CROCC2: variants seen among roughly 807,000 people sequenced by gnomAD.
CROCC2 encodes ciliary rootlet coiled-coil protein 2.
A neutral mutation model predicts 177.6 loss-of-function variants in CROCC2; 163 were observed. The ratio of observed to expected loss-of-function variants is 0.92; its 90% CI spans 0.81 to 1.05. The LOEUF is 1.05. Among genes scored for constraint, CROCC2 ranks in the 50% least tolerant of loss-of-function variants. The pLI, the probability that CROCC2 is intolerant of heterozygous loss-of-function variation, is 0.00. For missense variants in CROCC2, 1,929 were observed against 1,797.8 expected (o/e 1.07, Z -1.32); for synonymous variants, 904 against 787.3 (o/e 1.15, Z -2.48).
At chr2:240,976,165 G>A (rs1005020907) in intron 27 of CROCC2, among the ~76,000 whole-genome samples, 1 of 151,848 alleles carries the variant, frequency 6.6e-6, no homozygotes, top group African/African-American at 2.4e-5. Flanking sequence ...TGGGGTAGGA[G>A]CCTCAGAAGC....
intron 26 of CROCC2, chr2:240,967,684 C>A: frequency 9.0e-6 from 6 of 666,514 alleles, no homozygotes; most frequent in Non-Finnish European, 1.1e-5. Context: ...GGAGTGACGT[C>A]CACAGGCCCA....
rs1325563394 is a variant in CROCC2 at position 240,930,169 on chromosome 2, C to T, written c.649C>T (p.Arg217Trp). ...ELRRWAQRQT[R>W]SGGLGQPRDL... ...ACAGGAGGCCTCTTGCTTTCAGACC[C>T]GGTCAGGGGGCCTGGGGCAGCCCCG... Residue 217 changes from arginine to tryptophan, a missense_variant, in exon 6 of 32, where the codon CGG (arginine) becomes TGG (tryptophan). Arg to Trp is a moderately radical substitution (Grantham distance 101). Around this residue, in one of 3 missense-constraint regions of CROCC2, gnomAD observed 1,397 missense variants for 1,239.9 expected, o/e 1.13. Coordinates refer to ENST00000690015, the MANE Select transcript of CROCC2 (RefSeq NM_001351305.2). The T allele has an allele frequency of 3.3e-5, 18 of 546,904 alleles. No individual in the cohort carries two copies. The highest frequency in any genetic ancestry group is 6.1e-5 in the East Asian group (2 of 32,646). 33.9% of individuals were successfully genotyped at this position (546,904 alleles called of 1,614,324 possible).
At position 240,958,612 on chromosome 2, in the gene CROCC2, T is replaced by C; in HGVS notation, c.2944-689T>C. 5 of 984,908 alleles carry C rather than the reference T, an allele frequency of 5.1e-6. No individual in the cohort carries two copies. Among genetic ancestry groups the C allele is most frequent in the Non-Finnish European group, 6.0e-6 (5 of 829,502 alleles). The allele number at this position is 984,908 out of a possible 1,614,324, so 61.0% of individuals were successfully genotyped here. On this transcript the variant is annotated intron_variant, in intron 19 of 31. Transcript: ENST00000690015. This position sits in a 1 kb window ranked among gnomAD's most constrained non-coding sequence, Gnocchi z 6.7. ...AGCCGCCTGCTGCTGCCTGGAGGCT[T>C]GGTCCAGTCCCCTGAACCCAGGGGT...
intron 14 of CROCC2, among the ~76,000 whole-genome samples, chr2:240,937,018 T>G (rs1179174659): frequency 6.6e-6 from 1 of 152,228 alleles, no homozygotes; most frequent in Non-Finnish European, 1.5e-5. Context: ...ACCAAAACTG[T>G]GCACTCACTG....
rs551191778 is a variant in CROCC2 at position 240,935,263 on chromosome 2, G to A, written c.1939-95G>A. On this transcript the variant is annotated intron_variant, in intron 13 of 31. Transcript: ENST00000690015. ...GCCCCTGGGCCAGGCCTGAGGGAGGGAAGACAGTGCCCCGGGGCAGGCCTT... is the reference window on the plus strand; with the variant it reads ...GCCCCTGGGCCAGGCCTGAGGGAGGAAAGACAGTGCCCCGGGGCAGGCCTT... 9 of 1,254,156 alleles carry A rather than the reference G, an allele frequency of 7.2e-6. 1 individual carries two copies. Among genetic ancestry groups the A allele is most frequent in the Non-Finnish European group, 9.3e-6 (9 of 972,596 alleles). The allele number at this position is 1,254,156 out of a possible 1,614,324, so 77.7% of individuals were successfully genotyped here. A position where few individuals can be genotyped will look rare whatever the true frequency, so the allele number is the denominator to read the frequency against.
chr2:240,935,621 C>A, intron 14 of CROCC2, 33 bp downstream of exon 14: 1 of 1,370,660 alleles, frequency 7.3e-7, no homozygotes, highest in South Asian at 1.7e-5. Context: ...CTGCCGCCGT[C>A]TGGGATGCGG....
chr2:240,981,133 C>T (rs2059795835), intron 27 of CROCC2, among the ~76,000 whole-genome samples: 1 of 145,024 alleles, frequency 6.9e-6, no homozygotes, highest in Non-Finnish European at 1.5e-5. Context: ...ATCCCAGGCT[C>T]ATCCCTGCTC....
At chr2:240,906,687 A>G in intron 1 of CROCC2, 96 bp downstream of exon 1, 3 of 398,580 alleles carry the variant, frequency 7.5e-6, no homozygotes, top group Non-Finnish European at 1.3e-5. Flanking sequence ...GCCAGGAGGC[A>G]CCTTCCTGGC....
rs1204887532 is a variant in CROCC2, at chr2:240,963,695, C to G, written c.3227C>G (p.Ala1076Gly). The G allele has an allele frequency of 6.5e-7, 1 of 1,550,262 alleles. No homozygotes were observed. The highest frequency in any genetic ancestry group is 8.7e-7 in the Non-Finnish European group (1 of 1,146,818). ...QEARRALSDE[A>G]REKDVLLLFN... ...GCCCGCCGGGCGCTGAGTGACGAGG[C>G]CCGCGAGAAGGACGTACTGTTGCTT... The change falls in exon 21 of 32, where the codon GCC becomes GGC. Residue 1076 changes from alanine to glycine, a missense_variant. Physicochemically the swap from Ala to Gly is moderately conservative, Grantham distance 60 (BLOSUM62 0). This residue lies in a region of CROCC2 where 1,397 missense variants were observed against 1,239.9 expected (regional missense o/e 1.13). Transcript: ENST00000690015.
intron 1 of CROCC2, among the ~76,000 whole-genome samples, chr2:240,916,697 C>CCGTTA (rs2059323565): frequency 6.6e-6 from 1 of 152,192 alleles, no homozygotes; most frequent in Non-Finnish European, 1.5e-5. Context: ...AAGTTTACTC[C>CCGTTA]GCGCTGCAGC....
At chr2:240,931,352 G>T (rs2106460243) in intron 7 of CROCC2, among the ~76,000 whole-genome samples, 1 of 152,316 alleles carries the variant, frequency 6.6e-6, no homozygotes, top group African/African-American at 2.4e-5. Flanking sequence ...TACAGTGAGG[G>T]TTTCAGGGAG....
In CROCC2 at chr2:240,945,946, C is replaced by A. The variant is rs888473224; in HGVS notation, c.2170-114C>A. On this transcript the variant is annotated intron_variant, in intron 14 of 31. Coordinates refer to ENST00000690015, the MANE Select transcript of CROCC2 (RefSeq NM_001351305.2). ...CACTTCTTCCACTTTCACCTCCATG[C>A]CATTCTGCATAAAATCACTTCTTCT... 7.0e-5 allele frequency: 55 copies of A among 786,398 alleles called. 1 individual carries two copies. The highest frequency in any genetic ancestry group is 3.3e-5 in the Non-Finnish European group (17 of 511,706). The allele number at this position is 786,398 out of a possible 1,614,324, so 48.7% of individuals were successfully genotyped here. A position where few individuals can be genotyped will look rare whatever the true frequency, so the allele number is the denominator to read the frequency against.
At chr2:240,910,691 T>C (rs1202852635) in intron 1 of CROCC2, among the ~76,000 whole-genome samples, 1 of 152,230 alleles carries the variant, frequency 6.6e-6, no homozygotes, top group Non-Finnish European at 1.5e-5. Flanking sequence ...AGTATTCTTA[T>C]CTTGTGTTTC....
chr2:240,965,753 C>G lies in CROCC2; in HGVS notation c.3721C>G (p.Leu1241Val), dbSNP rs1416673570. The change falls in exon 24 of 32, where the codon CTG becomes GTG. Residue 1241 changes from leucine to valine, a missense_variant. By Grantham distance (32) the Leu-to-Val change is conservative. Coordinates refer to ENST00000690015, the MANE Select transcript of CROCC2 (RefSeq NM_001351305.2). ...RGAEQTLRAE[L>V]HSVTRKLQEA... Reference sequence around the variant, plus strand: ...GGCTGAGCAGACCCTCCGAGCAGAGCTGCACAGTGTCACCAGGAAGCTGCA... The same window carrying G: ...GGCTGAGCAGACCCTCCGAGCAGAGGTGCACAGTGTCACCAGGAAGCTGCA... The G allele has an allele frequency of 1.3e-6, 2 of 1,525,570 alleles. No homozygotes were observed. The highest frequency in any genetic ancestry group is 4.2e-5 in the Admixed American group (2 of 47,390). The allele number at this position is 1,525,570 out of a possible 1,614,324, so 94.5% of individuals were successfully genotyped here. A position where few individuals can be genotyped will look rare whatever the true frequency, so the allele number is the denominator to read the frequency against.
intron 27 of CROCC2, among the ~76,000 whole-genome samples, chr2:240,976,160 T>G (rs1419451022): frequency 6.6e-6 from 1 of 151,706 alleles, no homozygotes; most frequent in East Asian, 1.9e-4. Flanking sequence ...GTCTCTGGGG[T>G]AGGAGCCTCA....
At chr2:240,935,716 G>C in intron 14 of CROCC2, 128 bp downstream of exon 14, 1 of 681,602 alleles carries the variant, frequency 1.5e-6, no homozygotes, top group Non-Finnish European at 2.2e-6. Flanking sequence ...CTTGGTAACG[G>C]ATCAGGCCCA....
chr2:240,968,351 C>A, intron 27 of CROCC2, 89 bp downstream of exon 27: 17 of 1,392,746 alleles, frequency 1.2e-5, no homozygotes, highest in Non-Finnish European at 1.6e-5. Context: ...GCCACAGGGC[C>A]GGGAGGTGGG....
chr2:240,954,749 C>T (rs952256090), intron 18 of CROCC2: 1 of 152,202 alleles, frequency 6.6e-6, no homozygotes, highest in Admixed American at 6.5e-5. Flanking sequence ...AGCCCCAACC[C>T]TCTAATAACG....
chr2:240,933,572 A>G, intron 10 of CROCC2, 98 bp from the exon 11 acceptor site: 1 of 1,370,794 alleles, frequency 7.3e-7, no homozygotes, highest in Non-Finnish European at 9.9e-7. Context: ...ATGCAGTCTC[A>G]GGGGCTGGCA....
Sources: allele counts gnomAD v4.1 joint callset (sites outside exome capture counted in the v4.1 genomes callset), GRCh38; gene constraint gnomAD v4.1.1; regional missense constraint gnomAD v4.1.1; non-coding constraint Gnocchi (gnomAD v3.1); transcripts MANE v1.5; gene names NCBI Gene and HGNC (gene_info 2026-07-23, HGNC 2026-07-21).